SLC35D4: variants seen among roughly 807,000 people sequenced by gnomAD.
SLC35D4 encodes the protein solute carrier family 35 member D4.
chr18:23,346,290 T>C, the SLC35D4 span, among the ~76,000 whole-genome samples: 50 of 152,272 alleles, frequency 3.3e-4, no homozygotes, highest in East Asian at 8.5e-3. Flanking sequence ...CATGCCACCA[T>C]GCCAGACTAC....
the SLC35D4 span, among the ~76,000 whole-genome samples, chr18:23,357,052 T>A: frequency 6.6e-6 from 1 of 152,194 alleles, no homozygotes; most frequent in Admixed American, 6.5e-5. Context: ...TTAACTCCAG[T>A]CAATCCAAAC....
chr18:23,316,358 G>A, the SLC35D4 span, among the ~76,000 whole-genome samples: 39 of 152,108 alleles, frequency 2.6e-4, no homozygotes, highest in African/African-American at 7.7e-4. Flanking sequence ...TTTATCATCT[G>A]AGAGCAGGCT....
the SLC35D4 span, among the ~76,000 whole-genome samples, chr18:23,362,221 A>T: frequency 8.1e-4 from 123 of 152,368 alleles, 1 homozygote; most frequent in Non-Finnish European, 1.5e-3. Context: ...GTGGCTAAAC[A>T]CATCCCCCAA....
At chr18:23,382,111 G>A in the SLC35D4 span, among the ~76,000 whole-genome samples, 2 of 151,690 alleles carry the variant, frequency 1.3e-5, no homozygotes, top group African/African-American at 4.8e-5. Flanking sequence ...ATGGTGGCGG[G>A]CACCTGTAAT....
the SLC35D4 span, chr18:23,252,893 T>G: frequency 9.4e-7 from 1 of 1,061,506 alleles, no homozygotes; most frequent in African/African-American, 1.6e-5. Flanking sequence ...TTGGTCGTAG[T>G]TGGTGCATAA....
the SLC35D4 span, among the ~76,000 whole-genome samples, chr18:23,330,353 T>C: frequency 2.0e-5 from 3 of 152,206 alleles, no homozygotes; most frequent in Admixed American, 6.5e-5. Context: ...TTTCATTTAC[T>C]TTCTACATGT....
chr18:23,434,715 G>A, the SLC35D4 span, among the ~76,000 whole-genome samples: 6 of 151,930 alleles, frequency 3.9e-5, no homozygotes, highest in Admixed American at 3.9e-4. Context: ...GATCGCTTGA[G>A]CCTAGGAGGC....
the SLC35D4 span, among the ~76,000 whole-genome samples, chr18:23,270,525 T>C: frequency 0.03 from 4,499 of 152,242 alleles, 109 homozygotes; most frequent in Middle Eastern, 0.048. Context: ...GACCCCAGAA[T>C]GGTAGATCTG....
At chr18:23,342,795 A>T in the SLC35D4 span, among the ~76,000 whole-genome samples, 1 of 152,216 alleles carries the variant, frequency 6.6e-6, no homozygotes, top group Non-Finnish European at 1.5e-5. Context: ...CATGGTTTCA[A>T]TTTGCATTTC....
At chr18:23,318,903 G>A in the SLC35D4 span, among the ~76,000 whole-genome samples, 2 of 152,048 alleles carry the variant, frequency 1.3e-5, no homozygotes, top group African/African-American at 4.8e-5. Context: ...GAGTACTGTA[G>A]CACGATCTTG....
At chr18:23,395,160 G>C in the SLC35D4 span, among the ~76,000 whole-genome samples, 4 of 152,140 alleles carry the variant, frequency 2.6e-5, no homozygotes, top group African/African-American at 4.8e-5. Context: ...CAGTGTGACA[G>C]AGGGAGCTGC....
the SLC35D4 span, among the ~76,000 whole-genome samples, chr18:23,384,302 A>G: frequency 1.2e-3 from 188 of 152,256 alleles, 1 homozygote; most frequent in Non-Finnish European, 1.6e-3. Context: ...AAAAATAAAA[A>G]TAAATTAAAA....
the SLC35D4 span, among the ~76,000 whole-genome samples, chr18:23,241,822 A>G: frequency 1.3e-5 from 2 of 152,172 alleles, no homozygotes; most frequent in African/African-American, 4.8e-5. Context: ...CATGTCTTAG[A>G]GTGGGAAGCT....
the SLC35D4 span, chr18:23,368,860 TA>T: frequency 2.9e-6 from 2 of 696,692 alleles, no homozygotes; most frequent in South Asian, 4.5e-5. Context: ...ACTACTTTTA[TA>T]AATTATCCAT....
At chr18:23,408,904 G>A in the SLC35D4 span, among the ~76,000 whole-genome samples, 1 of 151,282 alleles carries the variant, frequency 6.6e-6, no homozygotes, top group Admixed American at 6.6e-5. Flanking sequence ...GAAGGCCAAG[G>A]CTGGTGGATC....
At chr18:23,320,576 T>C in the SLC35D4 span, among the ~76,000 whole-genome samples, 1 of 152,232 alleles carries the variant, frequency 6.6e-6, no homozygotes, top group Non-Finnish European at 1.5e-5. Flanking sequence ...ATAGAAGAAC[T>C]GTAGAAGCTC....
the SLC35D4 span, among the ~76,000 whole-genome samples, chr18:23,238,594 C>T: frequency 5.3e-5 from 8 of 152,314 alleles, no homozygotes; most frequent in South Asian, 2.1e-4. Context: ...GAGGCAAGCA[C>T]GTAATAAGTG....
At chr18:23,283,525 G>C in the SLC35D4 span, among the ~76,000 whole-genome samples, 1 of 147,130 alleles carries the variant, frequency 6.8e-6, no homozygotes, top group East Asian at 2.0e-4. Flanking sequence ...AGAAAAGAAA[G>C]TAGGCTAGGC....
chr18:23,368,724 T>C, the SLC35D4 span: 2 of 1,422,332 alleles, frequency 1.4e-6, no homozygotes, highest in African/African-American at 1.4e-5. Context: ...CCTGAATATA[T>C]AGTTTAAGTA....
Sources: gnomAD v4.1 joint callset for allele counts (sites outside exome capture counted in the v4.1 genomes callset) on GRCh38, gnomAD v4.1.1 for gene constraint, MANE v1.5 for transcripts, NCBI Gene and HGNC (gene_info 2026-07-23, HGNC 2026-07-21) for gene names.